The following DPYSL5 variants were observed in gnomAD, a reference collection of about 807,000 sequenced individuals.
The protein encoded by DPYSL5 is dihydropyrimidinase-related protein 5.
DPYSL5 carries 9 observed loss-of-function variants against 58.4 expected under a neutral mutation model. That is an observed-to-expected ratio of 0.15 (90% confidence interval 0.09 to 0.27). The LOEUF (loss-of-function observed/expected upper bound fraction) is 0.27, where lower values mean the gene tolerates loss of function less well. Among genes scored for constraint, DPYSL5 ranks in the 10% least tolerant of loss-of-function variants. The pLI is 1.00. For missense variants in DPYSL5, 499 were observed against 770.6 expected (o/e 0.65, Z 4.17); for synonymous variants, 293 against 301.9 (o/e 0.97, Z 0.31).
At position 26,949,770 on chromosome 2, in the gene DPYSL5, C is replaced by T. The variant is rs987977150; in HGVS notation, c.*2775C>T. The stretch of plus-strand genomic sequence containing the variant: ...TCTAGATAGAAATCAGAAAGAGATT[C>T]AAGGAGCCAAATGAGCGGTCAGCCC... On this transcript the variant is annotated 3_prime_UTR_variant, in exon 13 of 13. Coordinates refer to ENST00000288699, the MANE Select transcript of DPYSL5 (RefSeq NM_020134.4). The T allele has an allele frequency of 5.2e-5, 8 of 152,522 alleles. No homozygotes were observed. The highest frequency in any genetic ancestry group is 1.9e-4 in the African/African-American group (8 of 41,426). 9.4% of individuals were successfully genotyped at this position (152,522 alleles called of 1,614,324 possible).
chr2:26,898,106 A>G lies in DPYSL5; in HGVS notation c.-4-390A>G, dbSNP rs537820116. On this transcript the variant is annotated intron_variant, in intron 1 of 12. Transcript: ENST00000288699. This position sits in a 1 kb window ranked among gnomAD's most constrained non-coding sequence, Gnocchi z 6.1. ...GGTTCGACTTGGCTACTTGATAACC[A>G]TAAATTCCTTAGCAATTTCAGCTTT... is the stretch of plus-strand genomic sequence containing the variant. Among the ~76,000 whole-genome samples the G allele has an allele frequency of 2.0e-5, 3 of 152,214 alleles. No individual in the cohort carries two copies. The highest frequency in any genetic ancestry group is 4.4e-5 in the Non-Finnish European group (3 of 68,048).
intron 2 of DPYSL5, among the ~76,000 whole-genome samples, chr2:26,903,159 G>T (rs35538505): frequency 0.37 from 56,036 of 150,882 alleles, 10,810 homozygotes; most frequent in Admixed American, 0.53. Context: ...AACCTCTGTC[G>T]CCTGGGTTCA....
chr2:26,856,051 TG>T (rs1385466739), intron 1 of DPYSL5, among the ~76,000 whole-genome samples: 1 of 152,136 alleles, frequency 6.6e-6, no homozygotes, highest in Non-Finnish European at 1.5e-5. Context: ...CAGTCACTTT[TG>T]GGGGGTACAG....
In DPYSL5 at chr2:26,944,770, G is replaced by A. The variant is rs148765995; in HGVS notation, c.1555G>A (p.Val519Ile). The A allele has an allele frequency of 8.7e-5, 140 of 1,614,018 alleles. No individual in the cohort carries two copies. The highest frequency in any genetic ancestry group is 1.1e-4 in the Non-Finnish European group (127 of 1,180,024). ...ACTCGCAGACACTCCTACCCGGCCC[G>A]TCACCCGGCATGGGGGCATGAGGGA... ...TPLADTPTRP[V>I]TRHGGMRDLH... The change falls in exon 12 of 13, where the codon GTC becomes ATC. Residue 519 changes from valine (V) to isoleucine (I), a missense_variant. Val to Ile is a conservative substitution (Grantham distance 29). Coordinates refer to ENST00000288699, the MANE Select transcript of DPYSL5 (RefSeq NM_020134.4). This position sits in a 1 kb window ranked among gnomAD's most constrained non-coding sequence, Gnocchi z 4.4.
intron 2 of DPYSL5, among the ~76,000 whole-genome samples, chr2:26,919,338 TG>T (rs1664649856): frequency 6.6e-6 from 1 of 152,204 alleles, no homozygotes; most frequent in South Asian, 2.1e-4. Flanking sequence ...TGTCATAAAA[TG>T]GATTACCATT....
Position 26,905,943 on chromosome 2 carries a change from G to T in DPYSL5, c.261+7183G>T, listed in dbSNP as rs1664277195. Among the ~76,000 whole-genome samples the T allele has an allele frequency of 6.6e-6, 1 of 152,150 alleles. No individual in the cohort carries two copies. Among genetic ancestry groups the T allele is most frequent in the African/African-American group, 2.4e-5 (1 of 41,434 alleles). On this transcript the variant is annotated intron_variant, in intron 2 of 12. Transcript: ENST00000288699. The surrounding 1 kb of genome is among the most constrained non-coding windows in gnomAD (Gnocchi z 4.0). ...TCAATGGGCTGCATTCTCATCTGGA[G>T]TCCAGGGTTCTCTGCCAAGCTCGTG... is the stretch of plus-strand genomic sequence containing the variant.
intron 1 of DPYSL5, among the ~76,000 whole-genome samples, chr2:26,852,575 T>G (rs1355316230): frequency 1.3e-5 from 2 of 152,186 alleles, no homozygotes; most frequent in African/African-American, 4.8e-5. Flanking sequence ...CACAGCCCTG[T>G]TCTGTACTTG....
rs999979206 is a variant in DPYSL5, at chr2:26,849,671, A to G, written c.-5+1417A>G. Among the ~76,000 whole-genome samples the G allele has an allele frequency of 3.9e-5, 6 of 152,350 alleles. No individual in the cohort carries two copies. The highest frequency in any genetic ancestry group is 1.9e-4 in the East Asian group (1 of 5,184). ...TCCCTTCGGGGAGACCCGGAGAACA[A>G]TAGCCGACCCTGGTGTCCATCCGAC... On this transcript the variant is annotated intron_variant, in intron 1 of 12. Transcript: ENST00000288699. This position sits in a 1 kb window ranked among gnomAD's most constrained non-coding sequence, Gnocchi z 6.2.
rs1471993316 is a variant in DPYSL5 at position 26,942,148 on chromosome 2, T to G, written c.1232+56T>G. The G allele has an allele frequency of 3.7e-6, 6 of 1,605,960 alleles. No individual in the cohort carries two copies. In the African/African-American group the frequency reaches 8.1e-5, roughly 22 times the overall value. ...AGGGGCTTGGGATTTTGAAGAAGACTTGCATTACAGATCTCCAAAAGCATA... is the reference window on the plus strand; with the variant it reads ...AGGGGCTTGGGATTTTGAAGAAGACGTGCATTACAGATCTCCAAAAGCATA... On this transcript the variant is annotated intron_variant, in intron 10 of 12. Coordinates refer to ENST00000288699, the MANE Select transcript of DPYSL5 (RefSeq NM_020134.4). The surrounding 1 kb of genome is among the most constrained non-coding windows in gnomAD (Gnocchi z 5.9).
intron 1 of DPYSL5, among the ~76,000 whole-genome samples, chr2:26,873,112 A>G (rs1663314350): frequency 6.6e-6 from 1 of 152,040 alleles, no homozygotes; most frequent in Admixed American, 6.6e-5. Flanking sequence ...CTACTATATT[A>G]TATGTTTTTT....
chr2:26,849,406 G>C lies in DPYSL5; in HGVS notation c.-5+1152G>C, dbSNP rs1000091783. 2.6e-3 allele frequency among the ~76,000 whole-genome samples: 392 copies of C among 152,196 alleles called. 3 individuals carry two copies. The highest frequency in any genetic ancestry group is 8.7e-3 in the African/African-American group (363 of 41,544). On this transcript the variant is annotated intron_variant, in intron 1 of 12. Coordinates refer to ENST00000288699, the MANE Select transcript of DPYSL5 (RefSeq NM_020134.4). This position sits in a 1 kb window ranked among gnomAD's most constrained non-coding sequence, Gnocchi z 6.2. The stretch of plus-strand genomic sequence containing the variant: ...CCCGAGGATCCTCAGCTCCAGGCGC[G>C]GGGCCCCGCGGCCCAGGTGGCCGGC...
intron 1 of DPYSL5, among the ~76,000 whole-genome samples, chr2:26,857,261 G>C (rs981287377): frequency 1.3e-5 from 2 of 152,082 alleles, no homozygotes; most frequent in African/African-American, 4.8e-5. Flanking sequence ...TCTCAGCCAG[G>C]CGTGGTGGCT....
intron 5 of DPYSL5, among the ~76,000 whole-genome samples, chr2:26,929,472 T>A (rs1664918304): frequency 6.6e-6 from 1 of 152,156 alleles, no homozygotes; most frequent in Non-Finnish European, 1.5e-5. Flanking sequence ...CCTCAAGTGA[T>A]CCACCCACCT....
At chr2:26,895,723 C>T (rs924396634) in intron 1 of DPYSL5, among the ~76,000 whole-genome samples, 4 of 151,802 alleles carry the variant, frequency 2.6e-5, no homozygotes, top group East Asian at 1.9e-4. Context: ...CTCCCCTTTA[C>T]CCCAACTACT....
chr2:26,933,374 A>C lies in DPYSL5; in HGVS notation c.790+41A>C. On this transcript the variant is annotated intron_variant, in intron 7 of 12. Coordinates refer to ENST00000288699, the MANE Select transcript of DPYSL5 (RefSeq NM_020134.4). This position sits in a 1 kb window ranked among gnomAD's most constrained non-coding sequence, Gnocchi z 4.2. The stretch of plus-strand genomic sequence containing the variant: ...TGGCTGGACAGAGCAGGTCAAGTGG[A>C]GGGACTGGAGATGGATGGGGCCCAT... 6.3e-7 allele frequency: 1 copy of C among 1,587,128 alleles called. No homozygotes were observed. The highest frequency in any genetic ancestry group is 1.7e-5 in the Admixed American group (1 of 59,958).
intron 5 of DPYSL5, among the ~76,000 whole-genome samples, chr2:26,929,874 G>A (rs939284269): frequency 5.3e-5 from 8 of 152,192 alleles, no homozygotes; most frequent in African/African-American, 1.7e-4. Context: ...GACGAATAAC[G>A]CATTCCTGCC....
chr2:26,941,806 A>T, intron 9 of DPYSL5, 144 bp from the exon 10 acceptor site: 1 of 1,089,758 alleles, frequency 9.2e-7, no homozygotes, highest in Non-Finnish European at 1.3e-6. Flanking sequence ...GGCTCATCTG[A>T]GATGGTGCTC....
chr2:26,907,834 A>G (rs2148144631), intron 2 of DPYSL5, among the ~76,000 whole-genome samples: 1 of 152,356 alleles, frequency 6.6e-6, no homozygotes, highest in Middle Eastern at 3.4e-3. Context: ...GTTTCTCAAC[A>G]AGATTGAAGA....
chr2:26,860,334 T>C (rs1461153426), intron 1 of DPYSL5, among the ~76,000 whole-genome samples: 1 of 152,152 alleles, frequency 6.6e-6, no homozygotes. Context: ...GCACAACGCC[T>C]CTCCCCTCCT....
Sources: allele counts gnomAD v4.1 joint callset (sites outside exome capture counted in the v4.1 genomes callset), GRCh38; gene constraint gnomAD v4.1.1; non-coding constraint Gnocchi (gnomAD v3.1); transcripts MANE v1.5; gene names NCBI Gene and HGNC (gene_info 2026-07-23, HGNC 2026-07-21).